NCALD: variants seen among roughly 807,000 people sequenced by gnomAD.
The protein encoded by NCALD is neurocalcin delta.
NCALD carries 10 observed loss-of-function variants against 18.6 expected under a neutral mutation model. That is an observed-to-expected ratio of 0.54 (90% confidence interval 0.33 to 0.91). The LOEUF is 0.91. Ranked by LOEUF, NCALD falls within the 40% of genes least tolerant of loss-of-function variation. NCALD has a pLI of 0.03. For synonymous variants in NCALD, 88 were observed against 87.4 expected (o/e 1.01, Z -0.04); for missense variants, 184 against 247.6 (o/e 0.74, Z 1.72).
chr8:101,848,630 T>C (rs1814967810), intron 4 of NCALD, among the ~76,000 whole-genome samples: 1 of 152,238 alleles, frequency 6.6e-6, no homozygotes, highest in South Asian at 2.1e-4. Flanking sequence ...TTGATTGCTT[T>C]CGGCTCTTGA....
chr8:101,939,082 C>G (rs1818862307), intron 2 of NCALD, among the ~76,000 whole-genome samples: 1 of 152,074 alleles, frequency 6.6e-6, no homozygotes, highest in African/African-American at 2.4e-5. Context: ...TAGCCTGAGG[C>G]CAAAAGAAAA....
At chr8:102,015,361 A>C (rs1586926481) in intron 2 of NCALD, among the ~76,000 whole-genome samples, 1 of 152,328 alleles carries the variant, frequency 6.6e-6, no homozygotes, top group Non-Finnish European at 1.5e-5. Context: ...CAAAGGAACA[A>C]AGAAAAATGC....
intron 2 of NCALD, among the ~76,000 whole-genome samples, chr8:102,016,583 T>C (rs1385550440): frequency 6.6e-6 from 1 of 152,136 alleles, no homozygotes; most frequent in Non-Finnish European, 1.5e-5. Flanking sequence ...CTGGAGAACT[T>C]TGGAGTCTGT....
intron 1 of NCALD, among the ~76,000 whole-genome samples, chr8:101,753,721 T>C (rs1340675558): frequency 1.3e-5 from 2 of 152,104 alleles, no homozygotes; most frequent in African/African-American, 4.8e-5. Flanking sequence ...CTGCGTCTAG[T>C]GCGTGGTGTG....
intron 4 of NCALD, among the ~76,000 whole-genome samples, chr8:101,881,786 T>C (rs1816501860): frequency 1.3e-5 from 2 of 152,330 alleles, no homozygotes; most frequent in South Asian, 2.1e-4. Flanking sequence ...GCTGAGTAAA[T>C]ATCTAATTAT....
intron 4 of NCALD, chr8:101,872,124 A>G (rs1238467190): frequency 6.2e-7 from 1 of 1,604,428 alleles, no homozygotes; most frequent in Admixed American, 1.7e-5. Context: ...ATTTGACATC[A>G]GGAAACTTCC....
chr8:101,938,066 GTTCT>G (rs1818826333), intron 2 of NCALD, among the ~76,000 whole-genome samples: 1 of 152,140 alleles, frequency 6.6e-6, no homozygotes, highest in Non-Finnish European at 1.5e-5. Flanking sequence ...GCCATGACTT[GTTCT>G]TTATGAGCCC....
At chr8:102,122,980 C>T (rs752469345) in intron 1 of NCALD, among the ~76,000 whole-genome samples, 2 of 152,180 alleles carry the variant, frequency 1.3e-5, no homozygotes, top group Non-Finnish European at 2.9e-5. Flanking sequence ...GTCCTTGCCC[C>T]GCTACCGCAA....
At chr8:101,946,718 C>A (rs936074615) in intron 2 of NCALD, among the ~76,000 whole-genome samples, 5 of 144,710 alleles carry the variant, frequency 3.5e-5, no homozygotes, top group African/African-American at 5.1e-5. Flanking sequence ...CCCAAAGAAA[C>A]CAGCAGTTTA....
intron 2 of NCALD, among the ~76,000 whole-genome samples, chr8:101,974,984 T>C (rs1474241799): frequency 1.3e-5 from 2 of 152,168 alleles, no homozygotes; most frequent in Non-Finnish European, 2.9e-5. Flanking sequence ...CATAGAACAT[T>C]TGAGCAAGAC....
chr8:101,993,084 G>T (rs1042646285), intron 2 of NCALD, among the ~76,000 whole-genome samples: 1 of 145,826 alleles, frequency 6.9e-6, no homozygotes, highest in Non-Finnish European at 1.5e-5. Flanking sequence ...AGGGTCAAAG[G>T]GACAAGCCCT....
At chr8:101,691,161 G>T in intron 3 of NCALD, 1 of 985,420 alleles carries the variant, frequency 1.0e-6, no homozygotes, top group South Asian at 4.7e-5. Context: ...CAAGCACTGA[G>T]CTGAAGCACC....
At chr8:101,870,591 C>T (rs1432951443) in intron 4 of NCALD, among the ~76,000 whole-genome samples, 1 of 152,188 alleles carries the variant, frequency 6.6e-6, no homozygotes, top group Non-Finnish European at 1.5e-5. Flanking sequence ...CACACCCATG[C>T]AGTGAATTCC....
intron 1 of NCALD, among the ~76,000 whole-genome samples, chr8:101,731,281 G>C (rs578166942): frequency 3.4e-4 from 52 of 152,248 alleles, no homozygotes; most frequent in African/African-American, 1.2e-3. Flanking sequence ...TGACTATAGG[G>C]ACTTTCAGCT....
intron 1 of NCALD, among the ~76,000 whole-genome samples, chr8:102,031,629 A>G (rs1822673792): frequency 6.6e-6 from 1 of 152,208 alleles, no homozygotes; most frequent in Non-Finnish European, 1.5e-5. Flanking sequence ...AAATATCTCC[A>G]TCAGGCTCCT....
At chr8:101,863,128 A>T (rs1342830892) in intron 4 of NCALD, among the ~76,000 whole-genome samples, 1 of 152,162 alleles carries the variant, frequency 6.6e-6, no homozygotes, top group East Asian at 1.9e-4. Context: ...TCACCTCCTC[A>T]GAACTCCCAC....
intron 2 of NCALD, chr8:101,986,658 C>T (rs1299917527): frequency 6.6e-6 from 1 of 152,470 alleles, no homozygotes; most frequent in Non-Finnish European, 1.5e-5. Flanking sequence ...GGCCATCTCT[C>T]TTGCATCTTT....
chr8:102,056,609 T>C (rs1321291423), intron 1 of NCALD, among the ~76,000 whole-genome samples: 1 of 152,256 alleles, frequency 6.6e-6, no homozygotes, highest in African/African-American at 2.4e-5. Context: ...GTCCTCCATC[T>C]TGGCCACAGG....
intron 3 of NCALD, among the ~76,000 whole-genome samples, chr8:101,893,265 G>C (rs1036098996): frequency 3.3e-5 from 5 of 151,524 alleles, no homozygotes; most frequent in South Asian, 2.1e-4. Context: ...GCCAAACTAA[G>C]CTTCATAAGT....
Sources: gnomAD v4.1 joint callset for allele counts (sites outside exome capture counted in the v4.1 genomes callset) on GRCh38, gnomAD v4.1.1 for gene constraint, MANE v1.5 for transcripts, NCBI Gene and HGNC (gene_info 2026-07-23, HGNC 2026-07-21) for gene names.